Variants in MCM8 observed in about 807,000 individuals in gnomAD.
MCM8 encodes the protein DNA helicase MCM8.
Under a neutral mutation model 98.9 loss-of-function variants are expected in MCM8, and 85 were observed. The ratio of observed to expected loss-of-function variants is 0.86; its 90% CI spans 0.72 to 1.03. The LOEUF is 1.03. MCM8 is among the 50% of genes least tolerant of loss of function. MCM8 has a pLI of 0.00. For missense variants in MCM8, 951 were observed against 997.8 expected, an observed-to-expected ratio of 0.95 and a Z score of 0.63; for synonymous variants, 352 against 338.6, an observed-to-expected ratio of 1.04 and a Z score of -0.44.
At chr20:5,959,802 A>T (rs1037630960) in intron 7 of MCM8, among the ~76,000 whole-genome samples, 8 of 145,576 alleles carry the variant, frequency 5.5e-5, no homozygotes, top group African/African-American at 2.1e-4. Context: ...GGGTTCAAGC[A>T]GTTCTCCTGC....
chr20:5,975,712 G>A (rs1011578375), intron 12 of MCM8, among the ~76,000 whole-genome samples: 1 of 151,498 alleles, frequency 6.6e-6, no homozygotes, highest in African/African-American at 2.4e-5. Context: ...TAGCGAGGAG[G>A]GTCTCCATCT....
intron 13 of MCM8, among the ~76,000 whole-genome samples, chr20:5,978,536 C>T (rs2089562883): frequency 6.6e-6 from 1 of 152,170 alleles, no homozygotes; most frequent in South Asian, 2.1e-4. Flanking sequence ...AGAGGACTTG[C>T]AATAGGAGAT....
Position 5,958,437 on chromosome 20 carries a change from A to G in MCM8, c.591-91A>G, listed in dbSNP as rs16991593. 7.9e-3 allele frequency: 7,300 copies of G among 919,184 alleles called. 207 individuals carry two copies. The highest frequency in any genetic ancestry group is 0.077 in the African/African-American group (4,652 of 60,232). 56.9% of individuals were successfully genotyped at this position (919,184 alleles called of 1,614,324 possible). On this transcript the variant is annotated intron_variant, in intron 6 of 18. Coordinates refer to ENST00000610722, the MANE Select transcript of MCM8 (RefSeq NM_032485.6). ...TCTGATATATCGAAGGGATGATTTG[A>G]TTTGAGAATTCCATAGTTGCTCCTA...
At position 5,973,168 on chromosome 20, in the gene MCM8, C is replaced by T. The variant is rs1202011223; in HGVS notation, c.1367C>T (p.Pro456Leu). The change falls in exon 12 of 19, where the codon CCA (proline) becomes CTA (leucine). Residue 456 changes from proline (P) to leucine (L), a missense_variant. Coordinates refer to ENST00000610722, the MANE Select transcript of MCM8 (RefSeq NM_032485.6). ...GDPHILVVGDPGLGKSQMLQA... is the reference protein window; with the variant it reads ...GDPHILVVGDLGLGKSQMLQA... ...CCCCACATCCTTGTTGTTGGAGATCCAGGCCTAGGAAAAAGTCAAATGCTA... is the reference window on the plus strand; with the variant it reads ...CCCCACATCCTTGTTGTTGGAGATCTAGGCCTAGGAAAAAGTCAAATGCTA... 2 of 1,614,032 alleles carry T rather than the reference C, an allele frequency of 1.2e-6. No homozygotes were observed. Among genetic ancestry groups the T allele is most frequent in the Non-Finnish European group, 1.7e-6 (2 of 1,180,010 alleles).
At chr20:5,961,370 T>G (rs73894098) in intron 7 of MCM8, among the ~76,000 whole-genome samples, 3,811 of 152,338 alleles carry the variant, frequency 0.025, 132 homozygotes, top group African/African-American at 0.077. Context: ...TAACATTTGC[T>G]AAATTTTTGC....
chr20:5,953,762 C>T (rs942878275), intron 3 of MCM8, among the ~76,000 whole-genome samples: 7 of 147,506 alleles, frequency 4.7e-5, no homozygotes, highest in South Asian at 4.3e-4. Context: ...CGTGAGCCAC[C>T]GCACCCAGCC....
At position 5,993,562 on chromosome 20, in the gene MCM8, A is replaced by G. The variant is rs779806678; in HGVS notation, c.2297A>G (p.His766Arg). 1.1e-5 allele frequency: 17 copies of G among 1,603,678 alleles called. No individual in the cohort carries two copies. The highest frequency in any genetic ancestry group is 1.1e-5 in the South Asian group (1 of 89,330). The change falls in exon 18 of 19, where the codon CAT (histidine) becomes CGT (arginine). Residue 766 changes from histidine to arginine, a missense_variant. His to Arg is a conservative substitution (Grantham distance 29). Coordinates refer to ENST00000610722, the MANE Select transcript of MCM8 (RefSeq NM_032485.6). ...FGNLDFERSQ[H>R]GSGMSNRSTA... ...AACCTAGATTTTGAGCGATCCCAGC[A>G]TGGTTCTGGAATGAGCAACAGGTCA...
chr20:5,976,741 A>G (rs987907367), intron 12 of MCM8, among the ~76,000 whole-genome samples: 1 of 152,150 alleles, frequency 6.6e-6, no homozygotes, highest in Non-Finnish European at 1.5e-5. Context: ...TACACTAGCT[A>G]TGCCTGGAGG....
intron 17 of MCM8, 146 bp from the exon 18 acceptor site, chr20:5,993,360 T>G: frequency 4.2e-6 from 2 of 480,850 alleles, no homozygotes; most frequent in Non-Finnish European, 7.2e-6. Context: ...AATTTCAGAG[T>G]GGCCCCTCAA....
intron 8 of MCM8, chr20:5,964,538 G>T (rs1383820125): frequency 6.6e-6 from 1 of 152,134 alleles, no homozygotes; most frequent in Admixed American, 6.5e-5. Context: ...AGGGACAAAG[G>T]GTTAGTCTGG....
rs2089005942 is a variant in MCM8, at chr20:5,957,140, C to T, written c.501C>T (p.Asp167=). 6.2e-7 allele frequency: 1 copy of T among 1,612,928 alleles called. No homozygotes were observed. Among genetic ancestry groups the T allele is most frequent in the African/African-American group, 1.3e-5 (1 of 74,818 alleles). Residue 167 remains aspartate, a synonymous_variant, in exon 6 of 19, where the codon GAC becomes GAT. Transcript: ENST00000610722. ...GLAIHQVLTK[D]LERHAAELQA... is the part of the protein sequence containing the mutation. ...GTCCTGTTTAGGTGTTAACTAAGGA[C>T]CTTGAAAGGCATGCAGCTGAGTTAC...
Position 5,985,787 on chromosome 20 carries a change from G to A in MCM8, c.1954-135G>A, listed in dbSNP as rs2089719414. 28 of 751,852 alleles carry A rather than the reference G, an allele frequency of 3.7e-5. No homozygotes were observed. The South Asian group carries it at 5.0e-4, about 13-fold the overall frequency. The allele number at this position is 751,852 out of a possible 1,614,324, so 46.6% of individuals were successfully genotyped here. ...TCTTGAACTCCTGACCTCAGGTGAT[G>A]TGTCCTCCTTGGCCTCCCAAAGCGC... On this transcript the variant is annotated intron_variant, in intron 15 of 18. Coordinates refer to ENST00000610722, the MANE Select transcript of MCM8 (RefSeq NM_032485.6).
rs1025759407 is a variant in MCM8 at position 5,994,919 on chromosome 20, TA to T, written c.*536del. The T allele has an allele frequency of 5.9e-4, 99 of 168,288 alleles. No individual in the cohort carries two copies. The highest frequency in any genetic ancestry group is 2.2e-3 in the African/African-American group (94 of 41,788). The allele number at this position is 168,288 out of a possible 1,614,324, so 10.4% of individuals were successfully genotyped here. A position where few individuals can be genotyped will look rare whatever the true frequency, so the allele number is the denominator to read the frequency against. On this transcript the variant is annotated 3_prime_UTR_variant, in exon 19 of 19. Transcript: ENST00000610722. ...TAAAGTAACTCTTGACTCAAAAAAA[TA>T]AAAAAAATTGTAGTGGTAGCCATGT...
intron 3 of MCM8, among the ~76,000 whole-genome samples, chr20:5,953,152 T>A (rs1348682844): frequency 1.3e-5 from 2 of 152,226 alleles, no homozygotes; most frequent in Non-Finnish European, 2.9e-5. Context: ...TTCCTTTCTC[T>A]TCCTGCCACC....
At chr20:5,968,283 G>A (rs182373338) in intron 10 of MCM8, among the ~76,000 whole-genome samples, 3 of 152,286 alleles carry the variant, frequency 2.0e-5, no homozygotes, top group African/African-American at 2.4e-5. Flanking sequence ...GGTGGCTCAC[G>A]CCTGTAATCC....
chr20:5,951,328 T>C (rs538263154), intron 1 of MCM8, among the ~76,000 whole-genome samples: 1 of 152,368 alleles, frequency 6.6e-6, no homozygotes, highest in South Asian at 2.1e-4. Context: ...ATTGGAGCCC[T>C]GTCATGCCGT....
intron 12 of MCM8, among the ~76,000 whole-genome samples, chr20:5,975,302 A>T (rs1369373348): frequency 6.6e-6 from 1 of 151,498 alleles, no homozygotes; most frequent in Non-Finnish European, 1.5e-5. Flanking sequence ...AATATGTAGG[A>T]AAAGATGCAA....
At chr20:5,991,730 T>C (rs1365590992) in intron 17 of MCM8, among the ~76,000 whole-genome samples, 38 of 152,216 alleles carry the variant, frequency 2.5e-4, no homozygotes, top group Admixed American at 2.5e-3. Flanking sequence ...AGGGACCTTA[T>C]CTGACTCATT....
chr20:5,953,967 G>C (rs2088904442), intron 3 of MCM8, among the ~76,000 whole-genome samples: 1 of 152,038 alleles, frequency 6.6e-6, no homozygotes, highest in African/African-American at 2.4e-5. Context: ...GGATGTATTA[G>C]CCACCAGCAC....
Sources: allele counts gnomAD v4.1 joint callset (sites outside exome capture counted in the v4.1 genomes callset), GRCh38; gene constraint gnomAD v4.1.1; transcripts MANE v1.5; gene names NCBI Gene and HGNC (gene_info 2026-07-23, HGNC 2026-07-21).